Variants in PRR16 observed in about 807,000 individuals in gnomAD.
PRR16 encodes protein Largen.
A neutral mutation model predicts 18.2 loss-of-function variants in PRR16; 6 were observed. The observed-to-expected ratio is 0.33, with a 90% CI of 0.18 to 0.65. The LOEUF is 0.65. PRR16 is among the 30% of genes least tolerant of loss of function. PRR16 has a pLI of 0.74. For synonymous variants in PRR16, 151 were observed against 147.8 expected, an observed-to-expected ratio of 1.02 and a Z score of -0.16; for missense variants, 412 against 376.6, an observed-to-expected ratio of 1.09 and a Z score of -0.78.
At chr5:120,687,741 A>G (rs536665354), downstream of PRR16, among the ~76,000 whole-genome samples, 11 of 152,294 alleles carry the variant, frequency 7.2e-5, no homozygotes, top group African/African-American at 2.6e-4. Flanking sequence ...TCCCCCTCAG[A>G]GTTGAAAGAT....
At chr5:120,563,979 G>A (rs923267841) in intron 1 of PRR16, among the ~76,000 whole-genome samples, 8 of 152,030 alleles carry the variant, frequency 5.3e-5, no homozygotes, top group East Asian at 1.9e-4. Context: ...GAATCCTGCC[G>A]GGACTGTCGT....
the PRR16 span, among the ~76,000 whole-genome samples, chr5:120,703,505 T>A: frequency 6.6e-6 from 1 of 152,212 alleles, no homozygotes; most frequent in Non-Finnish European, 1.5e-5. Context: ...TACACAGCAT[T>A]GTTTCTTTTG....
At chr5:120,489,607 G>A (rs562131934) in intron 1 of PRR16, among the ~76,000 whole-genome samples, 2,070 of 152,046 alleles carry the variant, frequency 0.014, 18 homozygotes, top group East Asian at 0.031. Context: ...TCTTTATCCA[G>A]TTTGCCATTC....
At chr5:120,643,829 A>G (rs1476223727) in intron 1 of PRR16, among the ~76,000 whole-genome samples, 2 of 152,078 alleles carry the variant, frequency 1.3e-5, no homozygotes, top group South Asian at 2.1e-4. Flanking sequence ...ACATGGTGAA[A>G]CCCTGTCTCT....
At chr5:120,655,078 G>T (rs1755921116) in intron 1 of PRR16, among the ~76,000 whole-genome samples, 1 of 151,668 alleles carries the variant, frequency 6.6e-6, no homozygotes, top group Non-Finnish European at 1.5e-5. Flanking sequence ...TATATTACCT[G>T]CCAGAATATA....
chr5:120,705,684 A>T, the PRR16 span, among the ~76,000 whole-genome samples: 12,556 of 152,226 alleles, frequency 0.082, 1,751 homozygotes, highest in African/African-American at 0.28. Flanking sequence ...TAACAACAAC[A>T]TTATAATCAT....
chr5:120,626,900 A>G (rs1026595719), intron 1 of PRR16, among the ~76,000 whole-genome samples: 1 of 152,098 alleles, frequency 6.6e-6, no homozygotes, highest in Admixed American at 6.6e-5. Context: ...TGAATGTCTC[A>G]CTTTGGAAAT....
intron 1 of PRR16, among the ~76,000 whole-genome samples, chr5:120,619,187 A>G (rs1263795849): frequency 6.6e-6 from 1 of 152,158 alleles, no homozygotes; most frequent in African/African-American, 2.4e-5. Context: ...TCCTAAAGTC[A>G]AGTATTTTGT....
intron 1 of PRR16, among the ~76,000 whole-genome samples, chr5:120,515,336 G>T (rs1019482281): frequency 1.3e-5 from 2 of 152,028 alleles, no homozygotes; most frequent in Non-Finnish European, 2.9e-5. Flanking sequence ...TTTGCACAGA[G>T]GATTAAGTTT....
chr5:120,476,490 C>G (rs979695522), intron 1 of PRR16, among the ~76,000 whole-genome samples: 2 of 152,248 alleles, frequency 1.3e-5, no homozygotes, highest in Admixed American at 6.5e-5. Context: ...TGATTACTAA[C>G]TATGTAACCT....
At chr5:120,565,233 A>G (rs1301564554) in intron 1 of PRR16, among the ~76,000 whole-genome samples, 3 of 152,030 alleles carry the variant, frequency 2.0e-5, no homozygotes, top group East Asian at 3.9e-4. Flanking sequence ...ACTTATATGC[A>G]TGTGTTTGAT....
chr5:120,573,066 T>TAGAGG (rs1580739112), intron 1 of PRR16, among the ~76,000 whole-genome samples: 2 of 152,114 alleles, frequency 1.3e-5, no homozygotes, highest in East Asian at 3.9e-4. Context: ...TCTCCCAAAA[T>TAGAGG]GAAACACCAA....
intron 1 of PRR16, among the ~76,000 whole-genome samples, chr5:120,529,544 T>A (rs112267756): frequency 5.3e-5 from 8 of 152,166 alleles, no homozygotes; most frequent in Non-Finnish European, 7.3e-5. Flanking sequence ...TCTGGTGATA[T>A]TTATCTATTT....
intron 1 of PRR16, among the ~76,000 whole-genome samples, chr5:120,487,585 A>C (rs1461094506): frequency 6.6e-6 from 1 of 152,134 alleles, no homozygotes; most frequent in African/African-American, 2.4e-5. Flanking sequence ...CAATCATGTC[A>C]TCTGCAAACA....
intron 1 of PRR16, among the ~76,000 whole-genome samples, chr5:120,543,387 G>A (rs10063554): frequency 0.2 from 30,763 of 151,838 alleles, 3,245 homozygotes; most frequent in Non-Finnish European, 0.21. Context: ...CTTTTATCTG[G>A]GGACCATTAT....
At chr5:120,543,947 G>A (rs1349064914) in intron 1 of PRR16, among the ~76,000 whole-genome samples, 1 of 152,136 alleles carries the variant, frequency 6.6e-6, no homozygotes, top group Non-Finnish European at 1.5e-5. Flanking sequence ...TTTACAGATG[G>A]ATGATTTGGT....
chr5:120,741,624 C>G, the PRR16 span, among the ~76,000 whole-genome samples: 6 of 151,988 alleles, frequency 3.9e-5, no homozygotes, highest in Admixed American at 3.3e-4. Context: ...TGTTTTTTGA[C>G]AGTATCTCGC....
intron 1 of PRR16, among the ~76,000 whole-genome samples, chr5:120,615,254 A>G (rs1247736918): frequency 6.6e-6 from 1 of 152,150 alleles, no homozygotes; most frequent in Non-Finnish European, 1.5e-5. Flanking sequence ...AATGAGTCTG[A>G]TTATAGAAAC....
At chr5:120,512,552 C>A (rs978166960) in intron 1 of PRR16, among the ~76,000 whole-genome samples, 3 of 152,112 alleles carry the variant, frequency 2.0e-5, no homozygotes, top group African/African-American at 7.2e-5. Context: ...GAATCTGAGA[C>A]TAGAATCATA....
Sources: gnomAD v4.1 joint callset for allele counts (sites outside exome capture counted in the v4.1 genomes callset) on GRCh38, gnomAD v4.1.1 for gene constraint, MANE v1.5 for transcripts, NCBI Gene and HGNC (gene_info 2026-07-23, HGNC 2026-07-21) for gene names.